The following PML variants were observed in gnomAD, a reference collection of about 807,000 sequenced individuals.
PML encodes PML nuclear body scaffold, also known as protein PML.
PML carries 28 observed loss-of-function variants against 65.2 expected under a neutral mutation model. That is an observed-to-expected ratio of 0.43 (90% CI 0.32 to 0.59). The LOEUF is 0.59. Ranked by LOEUF, PML falls within the 20% of genes least tolerant of loss-of-function variation. PML has a pLI of 0.08. For synonymous variants in PML, 500 were observed against 508.8 expected, an observed-to-expected ratio of 0.98 and a Z score of 0.23; for missense variants, 1,021 against 1,203.4, an observed-to-expected ratio of 0.85 and a Z score of 2.24.
chr15:74,017,049 G>A (rs1004559857), intron 2 of PML, among the ~76,000 whole-genome samples: 3 of 151,534 alleles, frequency 2.0e-5, no homozygotes, highest in South Asian at 2.1e-4. Context: ...CACCCACCTC[G>A]GCCTCCCAAA....
intron 1 of PML, among the ~76,000 whole-genome samples, chr15:73,997,513 C>T (rs2069564410): frequency 6.6e-6 from 1 of 152,132 alleles, no homozygotes; most frequent in South Asian, 2.1e-4. Context: ...TGGATTGTTT[C>T]TACATTTTGT....
chr15:74,040,225 C>G (rs944352580), intron 7 of PML, among the ~76,000 whole-genome samples: 3 of 152,206 alleles, frequency 2.0e-5, no homozygotes, highest in Admixed American at 2.0e-4. Context: ...GAATCCAGCT[C>G]ATAACCCCAG....
chr15:74,023,495 CA>C, intron 3 of PML, 87 bp downstream of exon 3: 1 of 1,100,834 alleles, frequency 9.1e-7, no homozygotes, highest in South Asian at 1.3e-5. Context: ...CTCCATTTGA[CA>C]GAAAAGAAAA....
Position 74,023,274 on chromosome 15 carries a change from G to T in PML, c.1049G>T (p.Gly350Val). ...GACCAGGAGGTGCTGGACATGCACG[G>T]TTTCCTGCGCCAGGCGCTCTGCCGC... ...ASDQEVLDMH[G>V]FLRQALCRLR... The change falls in exon 3 of 9, where the codon GGT (glycine) becomes GTT (valine). Residue 350 changes from glycine to valine, a missense_variant. Coordinates refer to ENST00000268058, the MANE Select transcript of PML (RefSeq NM_033238.3). The T allele has an allele frequency of 6.2e-7, 1 of 1,610,696 alleles. No homozygotes were observed.
chr15:74,013,630 T>G (rs1035357125), intron 2 of PML, among the ~76,000 whole-genome samples: 12 of 151,766 alleles, frequency 7.9e-5, no homozygotes, highest in African/African-American at 2.9e-4. Flanking sequence ...CATGACTGAA[T>G]AGAAGAGCTG....
At chr15:74,029,720 G>C (rs2071234834) in intron 4 of PML, among the ~76,000 whole-genome samples, 1 of 152,110 alleles carries the variant, frequency 6.6e-6, no homozygotes, top group South Asian at 2.1e-4. Flanking sequence ...TATTATTTTT[G>C]ACATAAAAAT....
chr15:74,002,746 G>A (rs547172856), intron 2 of PML, among the ~76,000 whole-genome samples: 1 of 151,932 alleles, frequency 6.6e-6, no homozygotes, highest in South Asian at 2.1e-4. Context: ...GAGCCAACAT[G>A]TCTGGCCGAA....
intron 4 of PML, chr15:74,031,166 C>T (rs1363593301): frequency 2.8e-6 from 1 of 351,646 alleles, no homozygotes; most frequent in Non-Finnish European, 5.8e-6. Flanking sequence ...CTCCTGGCAA[C>T]CACCAATCTG....
At position 74,047,791 on chromosome 15, in the gene PML, A is replaced by G. The variant is rs943062700; in HGVS notation, c.*2783A>G. 1.1e-5 allele frequency: 2 copies of G among 179,780 alleles called. No homozygotes were observed. 11.1% of individuals were successfully genotyped at this position (179,780 alleles called of 1,614,324 possible). On this transcript the variant is annotated 3_prime_UTR_variant, in exon 9 of 9. Coordinates refer to ENST00000268058, the MANE Select transcript of PML (RefSeq NM_033238.3). ...AAAGTGCTTTATGAATTATAGGAAA[A>G]TAAACACATTTTAGATCTTAGAAAA...
chr15:74,034,126 G>A, intron 6 of PML: 1 of 403,472 alleles, frequency 2.5e-6, no homozygotes, highest in Non-Finnish European at 4.6e-6. Flanking sequence ...CCAGCTCATG[G>A]AGCTGAGAAT....
chr15:74,033,441 T>C lies in PML; in HGVS notation c.1657+27T>C, dbSNP rs759927960. 1.9e-6 allele frequency: 3 copies of C among 1,611,008 alleles called. No homozygotes were observed. In the Admixed American group the frequency reaches 5.0e-5, roughly 27 times the overall value. On this transcript the variant is annotated intron_variant, in intron 6 of 8. Coordinates refer to ENST00000268058, the MANE Select transcript of PML (RefSeq NM_033238.3). ...TAGGGAGGTGGGTAGGGCAGTGGCC[T>C]GGGTGCTGCCCGCCAGGGTCTGGGC...
At chr15:74,025,530 C>G (rs12902857) in intron 4 of PML, 87,356 of 159,166 alleles carry the variant, frequency 0.55, 24,316 homozygotes, top group East Asian at 0.63. Flanking sequence ...ACAAAGCAGA[C>G]TGTCTCAGGG....
At chr15:74,008,004 C>T (rs913186160) in intron 2 of PML, among the ~76,000 whole-genome samples, 1 of 152,200 alleles carries the variant, frequency 6.6e-6, no homozygotes, top group African/African-American at 2.4e-5. Context: ...ACAGGGCTGA[C>T]ATCCTGTTTG....
At chr15:74,024,953 G>A (rs758686903) in intron 4 of PML, 26 bp downstream of exon 4, 11 of 1,539,140 alleles carry the variant, frequency 7.1e-6, no homozygotes, top group South Asian at 1.1e-5. Context: ...GGTCTGAAGG[G>A]GTGGTGGTGG....
intron 7 of PML, chr15:74,036,003 T>C (rs1223963568): frequency 6.2e-7 from 1 of 1,614,126 alleles, no homozygotes; most frequent in East Asian, 2.2e-5. Context: ...GCCCGGCCCC[T>C]GAGCTGCCTC....
chr15:74,042,680 GCACA>G lies in PML; in HGVS notation c.1711-304_1711-301del, dbSNP rs2071720555. The G allele has an allele frequency of 1.0e-6, 1 of 985,360 alleles. No individual in the cohort carries two copies. The highest frequency in any genetic ancestry group is 1.2e-6 in the Non-Finnish European group (1 of 829,920). 61.0% of individuals were successfully genotyped at this position (985,360 alleles called of 1,614,324 possible). Reference sequence around the variant, plus strand: ...TCACAGCTCACACTTAACTGTGCATGCACACACAGATTTAGCACTTGGATTCATT... The same window carrying G: ...TCACAGCTCACACTTAACTGTGCATGCACAGATTTAGCACTTGGATTCATT... On this transcript the variant is annotated intron_variant, in intron 7 of 8. Coordinates refer to ENST00000268058, the MANE Select transcript of PML (RefSeq NM_033238.3). This position sits in a 1 kb window ranked among gnomAD's most constrained non-coding sequence, Gnocchi z 5.3.
chr15:74,023,432 G>C (rs750430532), intron 3 of PML, 24 bp downstream of exon 3: 2 of 1,576,988 alleles, frequency 1.3e-6, no homozygotes, highest in Admixed American at 3.4e-5. Flanking sequence ...CCACCTTCCT[G>C]GGCGGCCTGT....
Position 74,024,883 on chromosome 15 carries a change from C to G in PML, c.1210C>G (p.Pro404Ala), listed in dbSNP as rs1457054837. 6.2e-7 allele frequency: 1 copy of G among 1,613,804 alleles called. No individual in the cohort carries two copies. The highest frequency in any genetic ancestry group is 1.3e-5 in the African/African-American group (1 of 74,922). The part of the protein sequence containing the change: ...KDAAVSKKAS[P>A]EAASTPRDPI... ...TGCAGCTGTATCCAAGAAAGCCAGC[C>G]CAGAGGCTGCCAGCACTCCCAGGGA... Residue 404 changes from proline (P) to alanine (A), a missense_variant, in exon 4 of 9, where the codon CCA becomes GCA. Physicochemically the swap from Pro to Ala is conservative, Grantham distance 27 (BLOSUM62 -1). Coordinates refer to ENST00000268058, the MANE Select transcript of PML (RefSeq NM_033238.3).
chr15:74,035,932 C>T lies in PML; in HGVS notation c.1710+1402C>T, dbSNP rs761737205. 1 of 1,614,010 alleles carries T rather than the reference C, an allele frequency of 6.2e-7. No individual in the cohort carries two copies. The highest frequency in any genetic ancestry group is 1.7e-5 in the Admixed American group (1 of 60,030). On this transcript the variant is annotated intron_variant, in intron 7 of 8. Transcript: ENST00000268058. The surrounding 1 kb of genome is among the most constrained non-coding windows in gnomAD (Gnocchi z 4.1). ...CCCCCCATCAGCCCAGTCCCAGGCG[C>T]CCGTCAAGCAGGCCTCTGAGAGTGC...
Sources: allele counts gnomAD v4.1 joint callset (sites outside exome capture counted in the v4.1 genomes callset), GRCh38; gene constraint gnomAD v4.1.1; non-coding constraint Gnocchi (gnomAD v3.1); transcripts MANE v1.5; gene names NCBI Gene and HGNC (gene_info 2026-07-23, HGNC 2026-07-21).